Variants in PTPRT observed in about 807,000 individuals in gnomAD.
PTPRT encodes receptor-type tyrosine-protein phosphatase T.
In PTPRT, 56 loss-of-function variants were observed where a neutral mutation model predicts 176.8. The observed-to-expected ratio is 0.32, with a 90% confidence interval of 0.26 to 0.40. PTPRT has a LOEUF of 0.40. Ranked by LOEUF, PTPRT falls within the 10% of genes least tolerant of loss-of-function variation. PTPRT has a pLI of 1.00. For missense variants in PTPRT, 1,540 were observed against 1,908.2 expected, an observed-to-expected ratio of 0.81 and a Z score of 3.60; for synonymous variants, 783 against 739.0, an observed-to-expected ratio of 1.06 and a Z score of -0.96.
At chr20:42,660,105 G>A (rs1489774193) in intron 7 of PTPRT, among the ~76,000 whole-genome samples, 1 of 152,182 alleles carries the variant, frequency 6.6e-6, no homozygotes, top group Admixed American at 6.5e-5. Flanking sequence ...TGCTTATAAA[G>A]GGCTCTAGGA....
intron 13 of PTPRT, among the ~76,000 whole-genome samples, chr20:42,249,255 T>G (rs2056508814): frequency 2.0e-5 from 3 of 152,204 alleles, no homozygotes; most frequent in Non-Finnish European, 2.9e-5. Context: ...GGCAACACAA[T>G]TTAAATAACT....
chr20:42,718,082 T>C (rs2076252226), intron 6 of PTPRT, among the ~76,000 whole-genome samples: 1 of 152,220 alleles, frequency 6.6e-6, no homozygotes, highest in Admixed American at 6.5e-5. Context: ...CTACTCCTAG[T>C]TACATATCCA....
intron 1 of PTPRT, among the ~76,000 whole-genome samples, chr20:43,017,333 C>T (rs1467526517): frequency 6.6e-6 from 1 of 152,020 alleles, no homozygotes; most frequent in East Asian, 1.9e-4. Context: ...CTGTGCGTTT[C>T]CTTCCCTGTC....
intron 7 of PTPRT, among the ~76,000 whole-genome samples, chr20:42,571,064 C>T (rs1296045242): frequency 6.6e-6 from 1 of 152,134 alleles, no homozygotes; most frequent in Non-Finnish European, 1.5e-5. Flanking sequence ...GCATGTGCTG[C>T]CATTAAAATG....
chr20:42,205,384 T>C (rs530999443), intron 15 of PTPRT, among the ~76,000 whole-genome samples: 2 of 152,290 alleles, frequency 1.3e-5, no homozygotes, highest in Admixed American at 1.3e-4. Flanking sequence ...AGCAAGTACG[T>C]TGAATCTGTG....
chr20:42,123,656 T>C (rs1305461470), intron 19 of PTPRT, among the ~76,000 whole-genome samples: 4 of 152,222 alleles, frequency 2.6e-5, no homozygotes, highest in African/African-American at 9.6e-5. Context: ...TGGCTCTTGC[T>C]CTTCTTCAGA....
intron 7 of PTPRT, among the ~76,000 whole-genome samples, chr20:42,571,432 T>C (rs891427375): frequency 6.6e-6 from 1 of 152,156 alleles, no homozygotes; most frequent in Non-Finnish European, 1.5e-5. Context: ...ACAGAATGCA[T>C]CCTGCCAACA....
intron 2 of PTPRT, among the ~76,000 whole-genome samples, chr20:42,876,916 G>A (rs555702322): frequency 6.6e-6 from 1 of 152,214 alleles, no homozygotes; most frequent in South Asian, 2.1e-4. Flanking sequence ...GTCAGGGAGG[G>A]CCTCCTGGAG....
intron 14 of PTPRT, among the ~76,000 whole-genome samples, chr20:42,244,757 C>T (rs2056419831): frequency 6.6e-6 from 1 of 152,192 alleles, no homozygotes; most frequent in South Asian, 2.1e-4. Flanking sequence ...CACAAACAAA[C>T]ATTGAATTGT....
chr20:42,648,555 TA>T (rs2074958617), intron 7 of PTPRT, among the ~76,000 whole-genome samples: 1 of 152,214 alleles, frequency 6.6e-6, no homozygotes, highest in East Asian at 1.9e-4. Flanking sequence ...CGAATGTGAC[TA>T]AAACACAGCC....
At chr20:42,512,581 T>C (rs1227955602) in intron 7 of PTPRT, among the ~76,000 whole-genome samples, 1 of 152,226 alleles carries the variant, frequency 6.6e-6, no homozygotes, top group Non-Finnish European at 1.5e-5. Context: ...CTGCTATAAA[T>C]ATTTGCGTAT....
At chr20:42,326,712 T>C (rs1424899591) in intron 11 of PTPRT, among the ~76,000 whole-genome samples, 2 of 152,112 alleles carry the variant, frequency 1.3e-5, no homozygotes, top group African/African-American at 2.4e-5. Flanking sequence ...TGTTAAATAA[T>C]TGTGCTGAAC....
At chr20:42,459,214 T>C (rs1233542476) in intron 8 of PTPRT, among the ~76,000 whole-genome samples, 3 of 152,112 alleles carry the variant, frequency 2.0e-5, no homozygotes, top group Admixed American at 6.5e-5. Context: ...GTCCCTGATA[T>C]ATGTGAAGAG....
rs147868942 is a variant in PTPRT, at chr20:42,539,120, C to T, written c.1154-66558G>A. Among the ~76,000 whole-genome samples the T allele has an allele frequency of 4.6e-5, 7 of 152,264 alleles. No individual in the cohort carries two copies. In the East Asian group the frequency reaches 1.4e-3, roughly 29 times the overall value. On this transcript the variant is annotated intron_variant, in intron 7 of 30. Coordinates refer to ENST00000373187, the MANE Select transcript of PTPRT (RefSeq NM_007050.6). ...GATCATGTTGTTCTTAATACTGGAT[C>T]TTCAGAGCCTAAGTACAGATCTTGG...
chr20:42,187,013 C>T (rs1990808574), intron 16 of PTPRT, among the ~76,000 whole-genome samples: 1 of 152,088 alleles, frequency 6.6e-6, no homozygotes, highest in African/African-American at 2.4e-5. Context: ...TCATTTTCAG[C>T]CCCATATAAT....
chr20:42,439,172 G>A (rs1196555983), intron 9 of PTPRT, among the ~76,000 whole-genome samples: 2 of 152,140 alleles, frequency 1.3e-5, no homozygotes, highest in Non-Finnish European at 2.9e-5. Context: ...GATGAGCTGT[G>A]GACTAGAACA....
intron 8 of PTPRT, among the ~76,000 whole-genome samples, chr20:42,450,659 G>A (rs146467892): frequency 7.2e-5 from 11 of 152,156 alleles, no homozygotes; most frequent in African/African-American, 2.6e-4. Flanking sequence ...AAATCACTTA[G>A]GTATGCAGAA....
chr20:42,308,990 G>C (rs1438796940), intron 12 of PTPRT, among the ~76,000 whole-genome samples: 1 of 152,182 alleles, frequency 6.6e-6, no homozygotes, highest in Non-Finnish European at 1.5e-5. Context: ...TTGAGTTCAA[G>C]AACTGGAGGA....
intron 12 of PTPRT, among the ~76,000 whole-genome samples, chr20:42,313,935 T>G (rs1486146368): frequency 6.6e-6 from 1 of 152,152 alleles, no homozygotes; most frequent in Non-Finnish European, 1.5e-5. Flanking sequence ...ACATTCTAAA[T>G]GTTAATTAGT....
Sources: gnomAD v4.1 joint callset for allele counts (sites outside exome capture counted in the v4.1 genomes callset) on GRCh38, gnomAD v4.1.1 for gene constraint, MANE v1.5 for transcripts, NCBI Gene and HGNC (gene_info 2026-07-23, HGNC 2026-07-21) for gene names.